CNTNAP2: variants seen among roughly 807,000 people sequenced by gnomAD.
CNTNAP2 encodes contactin associated protein 2.
Under a neutral mutation model 155.2 loss-of-function variants are expected in CNTNAP2, and 98 were observed. The ratio of observed to expected loss-of-function variants is 0.63; its 90% CI spans 0.54 to 0.75. CNTNAP2 has a LOEUF of 0.75. Ranked by LOEUF, CNTNAP2 falls within the 30% of genes least tolerant of loss-of-function variation. CNTNAP2 has a pLI of 0.00. For missense variants in CNTNAP2, 1,727 were observed against 1,688.1 expected (o/e 1.02, Z -0.40); for synonymous variants, 651 against 631.2 (o/e 1.03, Z -0.47).
At chr7:146,905,148 C>T (rs370762924) in intron 3 of CNTNAP2, among the ~76,000 whole-genome samples, 1 of 152,000 alleles carries the variant, frequency 6.6e-6, no homozygotes, top group South Asian at 2.1e-4. Flanking sequence ...CCCCTACTCA[C>T]GTTGTGACAA....
At chr7:147,770,229 C>T (rs1238934864) in intron 13 of CNTNAP2, among the ~76,000 whole-genome samples, 1 of 152,134 alleles carries the variant, frequency 6.6e-6, no homozygotes, top group African/African-American at 2.4e-5. Context: ...TACACGTGAT[C>T]TATGATAATC....
intron 1 of CNTNAP2, among the ~76,000 whole-genome samples, chr7:146,737,241 A>C (rs1801636487): frequency 6.6e-6 from 1 of 152,126 alleles, no homozygotes; most frequent in African/African-American, 2.4e-5. Flanking sequence ...AAATCTGGCT[A>C]ACTATTCTAT....
chr7:147,099,949 T>C (rs1296161528), intron 4 of CNTNAP2, among the ~76,000 whole-genome samples: 1 of 152,250 alleles, frequency 6.6e-6, no homozygotes, highest in Non-Finnish European at 1.5e-5. Context: ...AGCTTCCACA[T>C]GGATTTCCTA....
rs758687741 is a variant in CNTNAP2, at chr7:147,315,758, C to T, written c.1498+15468C>T. On this transcript the variant is annotated intron_variant, in intron 9 of 23. Transcript: ENST00000361727. ...CCTCCCAAAGTGCTGGGATTACAGGCGTGAGCCACCACACCTGGCCTTATT... is the reference window on the plus strand; with the variant it reads ...CCTCCCAAAGTGCTGGGATTACAGGTGTGAGCCACCACACCTGGCCTTATT... Among the ~76,000 whole-genome samples the T allele has an allele frequency of 1.2e-4, 18 of 152,150 alleles. 1 individual carries two copies. Among genetic ancestry groups the T allele is most frequent in the East Asian group, 3.9e-4 (2 of 5,164 alleles).
intron 8 of CNTNAP2, chr7:147,162,092 C>A (rs1194928096): frequency 1.3e-5 from 2 of 152,116 alleles, no homozygotes; most frequent in African/African-American, 4.8e-5. Context: ...CCTGGGCAAT[C>A]CCTCAACTCA....
intron 3 of CNTNAP2, among the ~76,000 whole-genome samples, chr7:146,952,076 C>T (rs187674659): frequency 1.6e-4 from 25 of 152,154 alleles, no homozygotes; most frequent in African/African-American, 4.8e-4. Context: ...AAAACTTATC[C>T]GCCATGATGA....
At chr7:146,195,334 T>C (rs1293181381) in intron 1 of CNTNAP2, among the ~76,000 whole-genome samples, 1 of 152,184 alleles carries the variant, frequency 6.6e-6, no homozygotes, top group East Asian at 1.9e-4. Context: ...TTGAGAATAC[T>C]GCACATTCAA....
chr7:146,166,629 C>T (rs921583342), intron 1 of CNTNAP2, among the ~76,000 whole-genome samples: 2 of 152,196 alleles, frequency 1.3e-5, no homozygotes, highest in East Asian at 3.9e-4. Context: ...TCACTATTCA[C>T]TAGAAAATAA....
intron 1 of CNTNAP2, among the ~76,000 whole-genome samples, chr7:146,432,009 T>C (rs1639438): frequency 0.54 from 81,449 of 151,932 alleles, 25,578 homozygotes; most frequent in African/African-American, 0.88. Context: ...TAGCTCTTTC[T>C]CATCTTGTGG....
At chr7:147,540,583 T>C (rs1415718752) in intron 11 of CNTNAP2, among the ~76,000 whole-genome samples, 2 of 152,032 alleles carry the variant, frequency 1.3e-5, no homozygotes, top group African/African-American at 2.4e-5. Context: ...GATTCACTAC[T>C]TATAAAAAGG....
At chr7:146,285,195 A>G (rs950692237) in intron 1 of CNTNAP2, among the ~76,000 whole-genome samples, 1 of 152,188 alleles carries the variant, frequency 6.6e-6, no homozygotes, top group Non-Finnish European at 1.5e-5. Flanking sequence ...ATAAAGATGC[A>G]ATTGACCCTG....
At chr7:146,672,195 T>C (rs2129168286) in intron 1 of CNTNAP2, among the ~76,000 whole-genome samples, 1 of 152,256 alleles carries the variant, frequency 6.6e-6, no homozygotes, top group African/African-American at 2.4e-5. Context: ...TGGTGAAACA[T>C]AACCATTCCA....
Position 146,985,782 on chromosome 7 carries a change from A to G in CNTNAP2, c.403-58125A>G, listed in dbSNP as rs57314723. 1.4e-3 allele frequency among the ~76,000 whole-genome samples: 206 copies of G among 152,252 alleles called. 2 individuals are homozygous for G. Among genetic ancestry groups the G allele is most frequent in the African/African-American group, 4.8e-3 (199 of 41,566 alleles). Reference sequence around the variant, plus strand: ...TAGAAATAAGAAGTTTCTATTTTAAATATTTAATATTTCTTCTGGACAACA... The same window carrying G: ...TAGAAATAAGAAGTTTCTATTTTAAGTATTTAATATTTCTTCTGGACAACA... On this transcript the variant is annotated intron_variant, in intron 3 of 23. Transcript: ENST00000361727.
intron 1 of CNTNAP2, among the ~76,000 whole-genome samples, chr7:146,197,907 G>A (rs1011841430): frequency 6.6e-6 from 1 of 152,116 alleles, no homozygotes; most frequent in South Asian, 2.1e-4. Flanking sequence ...AGTTCTGCAT[G>A]GCTGGGTAGG....
intron 5 of CNTNAP2, among the ~76,000 whole-genome samples, chr7:147,108,757 G>A (rs754513438): frequency 1.1e-4 from 17 of 152,168 alleles, no homozygotes; most frequent in Non-Finnish European, 1.6e-4. Flanking sequence ...AGGTTAATAC[G>A]TCCTGTTCAA....
intron 13 of CNTNAP2, among the ~76,000 whole-genome samples, chr7:147,750,165 T>A (rs1189287750): frequency 6.6e-6 from 1 of 152,222 alleles, no homozygotes; most frequent in Non-Finnish European, 1.5e-5. Flanking sequence ...TGTCTGTGAC[T>A]GAGTTCCGTA....
At chr7:147,926,243 G>C (rs545593712) in intron 14 of CNTNAP2, among the ~76,000 whole-genome samples, 5 of 152,032 alleles carry the variant, frequency 3.3e-5, no homozygotes, top group Admixed American at 3.3e-4. Context: ...CTCTCCCCAC[G>C]CCTCATCCTC....
At chr7:146,266,472 G>C (rs1315351785) in intron 1 of CNTNAP2, among the ~76,000 whole-genome samples, 1 of 152,176 alleles carries the variant, frequency 6.6e-6, no homozygotes, top group African/African-American at 2.4e-5. Context: ...GATAAGGCAT[G>C]GTTTGGGATC....
chr7:147,490,709 C>T (rs1033296534), intron 11 of CNTNAP2, among the ~76,000 whole-genome samples: 13 of 152,118 alleles, frequency 8.5e-5, no homozygotes, highest in South Asian at 2.1e-4. Context: ...GGTAGAATTG[C>T]GTTGGATATG....
Sources: allele counts gnomAD v4.1 joint callset (sites outside exome capture counted in the v4.1 genomes callset), GRCh38; gene constraint gnomAD v4.1.1; transcripts MANE v1.5; gene names NCBI Gene and HGNC (gene_info 2026-07-23, HGNC 2026-07-21).